The following PCYOX1 variants were observed in gnomAD, a reference collection of about 807,000 sequenced individuals.
PCYOX1 encodes prenylcysteine lyase.
Under a neutral mutation model 46.4 loss-of-function variants are expected in PCYOX1, and 46 were observed. The observed-to-expected ratio is 0.99, with a 90% CI of 0.78 to 1.27. The LOEUF is 1.27. Among genes scored for constraint, PCYOX1 ranks in the 50% most tolerant of loss-of-function variants. The pLI is 0.00. For missense variants in PCYOX1, 658 were observed against 628.3 expected, an observed-to-expected ratio of 1.05 and a Z score of -0.51; for synonymous variants, 220 against 231.8, an observed-to-expected ratio of 0.95 and a Z score of 0.46.
intron 3 of PCYOX1, among the ~76,000 whole-genome samples, chr2:70,270,098 G>A (rs1379660130): frequency 6.6e-6 from 1 of 151,910 alleles, no homozygotes; most frequent in Non-Finnish European, 1.5e-5. Flanking sequence ...GGGTTCAAGC[G>A]ATTCTCCTGC....
At position 70,259,399 on chromosome 2, in the gene PCYOX1, A is replaced by G. The variant is rs779711843; in HGVS notation, c.152A>G (p.Tyr51Cys). The G allele has an allele frequency of 8.7e-6, 14 of 1,614,016 alleles. No homozygotes were observed. The highest frequency in any genetic ancestry group is 2.7e-5 in the African/African-American group (2 of 74,916). The change falls in exon 2 of 6, where the codon TAT becomes TGT. Residue 51 changes from tyrosine (Y) to cysteine (C), a missense_variant. By Grantham distance (194) the Tyr-to-Cys change is radical. Coordinates refer to ENST00000433351, the MANE Select transcript of PCYOX1 (RefSeq NM_016297.4). Reference sequence around the variant, plus strand: ...GGAATTGGTGGCACTTCAGCAGCCTATTACCTGCGGCAGAAATTTGGGAAA... The same window carrying G: ...GGAATTGGTGGCACTTCAGCAGCCTGTTACCTGCGGCAGAAATTTGGGAAA... ...GAGIGGTSAA[Y>C]YLRQKFGKDV...
rs1208603149 is a variant in PCYOX1, at chr2:70,281,066, A to G, written c.*3674A>G. ...GACAGCATCCTCACTACCCCTCTCT[A>G]CTCACTCACAAAGAACCATGATACA... On this transcript the variant is annotated 3_prime_UTR_variant, in exon 6 of 6. Transcript: ENST00000433351. The G allele has an allele frequency of 6.6e-6, 1 of 152,022 alleles. No individual in the cohort carries two copies. The highest frequency in any genetic ancestry group is 1.5e-5 in the Non-Finnish European group (1 of 68,046). The allele number at this position is 152,022 out of a possible 1,614,324, so 9.4% of individuals were successfully genotyped here.
chr2:70,268,020 A>G (rs187191188), intron 3 of PCYOX1, among the ~76,000 whole-genome samples: 9 of 152,098 alleles, frequency 5.9e-5, no homozygotes, highest in African/African-American at 1.9e-4. Flanking sequence ...CATCTTGGCC[A>G]GGCAGGTCTT....
intron 3 of PCYOX1, 116 bp from the exon 4 acceptor site, chr2:70,274,843 C>T (rs1313648067): frequency 8.4e-6 from 6 of 714,200 alleles, no homozygotes; most frequent in African/African-American, 7.0e-5. Flanking sequence ...GGATTATAGG[C>T]GTGAGCCACT....
intron 3 of PCYOX1, among the ~76,000 whole-genome samples, chr2:70,269,719 C>CCA (rs1179586000): frequency 2.0e-5 from 3 of 152,062 alleles, no homozygotes; most frequent in African/African-American, 7.2e-5. Context: ...TAAACAATTG[C>CCA]CACAGATTTT....
chr2:70,271,755 T>A (rs1351503919), intron 3 of PCYOX1, among the ~76,000 whole-genome samples: 1 of 152,200 alleles, frequency 6.6e-6, no homozygotes, highest in Non-Finnish European at 1.5e-5. Context: ...AAATTTAGTT[T>A]ATGGTAAATA....
chr2:70,274,583 A>G (rs1696644249), intron 3 of PCYOX1, among the ~76,000 whole-genome samples: 1 of 134,900 alleles, frequency 7.4e-6, no homozygotes, highest in Non-Finnish European at 1.6e-5. Context: ...TTTTTTTTTA[A>G]GAGACACTGT....
rs193133451 is a variant in PCYOX1 at position 70,272,344 on chromosome 2, C to T, written c.495-2615C>T. 2.2e-3 allele frequency among the ~76,000 whole-genome samples: 330 copies of T among 152,208 alleles called. 6 individuals carry two copies. Among genetic ancestry groups the T allele is most frequent in the Admixed American group, 0.02 (302 of 15,294 alleles). On this transcript the variant is annotated intron_variant, in intron 3 of 5. Transcript: ENST00000433351. ...GTTTCGCTATGTTGGCCAGGCTGGTCTCAAACTCCTGACCTCAAGCGATCT... is the reference window on the plus strand; with the variant it reads ...GTTTCGCTATGTTGGCCAGGCTGGTTTCAAACTCCTGACCTCAAGCGATCT...
chr2:70,258,074 G>C, upstream of PCYOX1: 1 of 1,068,990 alleles, frequency 9.4e-7, no homozygotes, highest in Non-Finnish European at 1.3e-6. Context: ...GGGCTGGGCG[G>C]CCTGGGGGCG....
rs746756282 is a variant in PCYOX1 at position 70,259,470 on chromosome 2, C to G, written c.223C>G (p.Leu75Val). The G allele has an allele frequency of 6.2e-7, 1 of 1,614,084 alleles. No homozygotes were observed. Among genetic ancestry groups the G allele is most frequent in the Admixed American group, 1.7e-5 (1 of 60,012 alleles). ...TGAAAGAGAAGAGGTCGGGGGCCGC[C>G]TGGCTACCATGATGGTGCAGGGGCA... ...LFEREEVGGR[L>V]ATMMVQGQEY... Residue 75 changes from leucine (L) to valine (V), a missense_variant, in exon 2 of 6, where the codon CTG becomes GTG. Transcript: ENST00000433351.
rs1046420959 is a variant in PCYOX1, at chr2:70,280,539, C to T, written c.*3147C>T. 11 of 152,314 alleles carry T rather than the reference C, an allele frequency of 7.2e-5. No homozygotes were observed. The highest frequency in any genetic ancestry group is 2.6e-4 in the African/African-American group (11 of 41,572). 9.4% of individuals were successfully genotyped at this position (152,314 alleles called of 1,614,324 possible). On this transcript the variant is annotated 3_prime_UTR_variant, in exon 6 of 6. Coordinates refer to ENST00000433351, the MANE Select transcript of PCYOX1 (RefSeq NM_016297.4). The stretch of plus-strand genomic sequence containing the variant: ...GTTTGTTATGGGATATAAGAAGATG[C>T]ATTTTATTAAGTTCCCCAGTGATGC...
chr2:70,275,639 G>A lies in PCYOX1; in HGVS notation c.832G>A (p.Glu278Lys), dbSNP rs2104900235. ...TATATCTGGCTCAGTAATGTACATC[G>A]AGGAGAAAACAAAGACCAAGTACAC... The part of the protein sequence containing the change: ...NLISGSVMYI[E>K]EKTKTKYTGN... The change falls in exon 5 of 6, where the codon GAG becomes AAG. Residue 278 changes from glutamate to lysine, a missense_variant. Transcript: ENST00000433351. 3.7e-6 allele frequency: 6 copies of A among 1,614,026 alleles called. No homozygotes were observed. The highest frequency in any genetic ancestry group is 1.7e-5 in the Admixed American group (1 of 59,996).
At chr2:70,260,479 A>C (rs2104888272) in intron 2 of PCYOX1, among the ~76,000 whole-genome samples, 1 of 152,280 alleles carries the variant, frequency 6.6e-6, no homozygotes, top group South Asian at 2.1e-4. Flanking sequence ...GGGAGATAGA[A>C]GCTGCAGTGA....
chr2:70,258,546 C>T lies in PCYOX1; in HGVS notation c.112+270C>T, dbSNP rs538686271. ...GGCGGGCGGGCAGGCAGGCGCCTAG[C>T]GTACCTGTAGCCCCTGTCTCTTAGG... is the stretch of plus-strand genomic sequence containing the variant. On this transcript the variant is annotated intron_variant, in intron 1 of 5. Transcript: ENST00000433351. 1.1e-5 allele frequency: 4 copies of T among 363,090 alleles called. No individual in the cohort carries two copies. In the South Asian group the frequency reaches 1.5e-4, roughly 14 times the overall value. The allele number at this position is 363,090 out of a possible 1,614,324, so 22.5% of individuals were successfully genotyped here.
chr2:70,259,897 C>A (rs759033103), intron 2 of PCYOX1, among the ~76,000 whole-genome samples: 1 of 152,086 alleles, frequency 6.6e-6, no homozygotes, highest in Admixed American at 6.6e-5. Flanking sequence ...CTCACTGCAA[C>A]CTCTGCCTCC....
intron 3 of PCYOX1, among the ~76,000 whole-genome samples, chr2:70,272,125 A>ATT (rs553647193): frequency 0.058 from 7,725 of 133,590 alleles, 278 homozygotes; most frequent in East Asian, 0.17. Context: ...CTAATTTTTA[A>ATT]TTTTTTTTTT....
chr2:70,263,670 T>C (rs1018334952), intron 3 of PCYOX1, among the ~76,000 whole-genome samples: 3 of 152,036 alleles, frequency 2.0e-5, no homozygotes, highest in Non-Finnish European at 2.9e-5. Context: ...CTTTTCTTTT[T>C]TTTTTTTGAG....
intron 3 of PCYOX1, among the ~76,000 whole-genome samples, chr2:70,267,536 C>G (rs995226752): frequency 6.6e-6 from 1 of 152,158 alleles, no homozygotes; most frequent in Non-Finnish European, 1.5e-5. Flanking sequence ...GTCTGCAATC[C>G]TGGCACCTCG....
At chr2:70,261,626 A>T (rs1463851989) in intron 3 of PCYOX1, among the ~76,000 whole-genome samples, 2 of 152,164 alleles carry the variant, frequency 1.3e-5, no homozygotes, top group Non-Finnish European at 2.9e-5. Context: ...GTGTTGCCAG[A>T]TACTGTTAGA....
Sources: allele counts gnomAD v4.1 joint callset (sites outside exome capture counted in the v4.1 genomes callset), GRCh38; gene constraint gnomAD v4.1.1; transcripts MANE v1.5; gene names NCBI Gene and HGNC (gene_info 2026-07-23, HGNC 2026-07-21).